RFX3: variants seen among roughly 807,000 people sequenced by gnomAD.
RFX3 encodes regulatory factor X3.
Under a neutral mutation model 98.6 loss-of-function variants are expected in RFX3, and 14 were observed. The observed-to-expected ratio is 0.14, with a 90% CI of 0.09 to 0.22. RFX3 has a LOEUF of 0.22. Among genes scored for constraint, RFX3 ranks in the 10% least tolerant of loss-of-function variants. The probability of loss-of-function intolerance (pLI) is 1.00; values close to 1 mark genes in which losing one functional copy is unlikely to be tolerated. For synonymous variants in RFX3, 383 were observed against 328.4 expected (o/e 1.17, Z -1.80); for missense variants, 639 against 926.9 (o/e 0.69, Z 4.03).
At chr9:3,522,563 G>C (rs940302935) in intron 1 of RFX3, among the ~76,000 whole-genome samples, 4 of 140,688 alleles carry the variant, frequency 2.8e-5, no homozygotes, top group African/African-American at 1.2e-4. Context: ...GTGCGTGTGT[G>C]TGTGTGTGTG....
intron 1 of RFX3, among the ~76,000 whole-genome samples, chr9:3,491,675 T>G (rs1427764623): frequency 1.3e-5 from 2 of 152,178 alleles, no homozygotes; most frequent in East Asian, 3.8e-4. Flanking sequence ...CTGTTTCATA[T>G]CTCATTGTGA....
chr9:3,320,993 C>G (rs1283906714), intron 4 of RFX3, among the ~76,000 whole-genome samples: 1 of 129,200 alleles, frequency 7.7e-6, no homozygotes, highest in African/African-American at 4.5e-5. Context: ...ACTCCACCTC[C>G]TAGGTTCAAA....
chr9:3,233,045 T>C lies in RFX3; in HGVS notation c.1969-4156A>G, dbSNP rs531988519. Among the ~76,000 whole-genome samples the C allele has an allele frequency of 1.4e-4, 22 of 152,280 alleles. No individual in the cohort carries two copies. The South Asian group carries it at 4.1e-3, about 29-fold the overall frequency. ...ACAGTAGAGAAAGCATGTCTATTGT[T>C]TGAGAGAAGAAATACTTCCTATCCT... On this transcript the variant is annotated intron_variant, in intron 15 of 16. Transcript: ENST00000617270.
chr9:3,403,245 C>T (rs1264895576), intron 1 of RFX3, among the ~76,000 whole-genome samples: 1 of 152,088 alleles, frequency 6.6e-6, no homozygotes, highest in African/African-American at 2.4e-5. Flanking sequence ...ATTTAAAACA[C>T]ATCTTTGTGA....
chr9:3,499,967 C>T (rs572793940), intron 1 of RFX3, among the ~76,000 whole-genome samples: 1 of 152,160 alleles, frequency 6.6e-6, no homozygotes, highest in Admixed American at 6.6e-5. Flanking sequence ...ACTGCACTAC[C>T]TTATTCCTTT....
At chr9:3,239,699 C>G (rs1001061206) in intron 15 of RFX3, among the ~76,000 whole-genome samples, 1 of 152,114 alleles carries the variant, frequency 6.6e-6, no homozygotes, top group South Asian at 2.1e-4. Context: ...CCATTAAGGC[C>G]AAAGCAAGAG....
chr9:3,417,973 G>C (rs992618406), intron 1 of RFX3, among the ~76,000 whole-genome samples: 2 of 152,176 alleles, frequency 1.3e-5, no homozygotes, highest in African/African-American at 4.8e-5. Flanking sequence ...CCTAATAAAA[G>C]CAGATATAGA....
intron 7 of RFX3, among the ~76,000 whole-genome samples, chr9:3,278,507 C>T (rs1182419500): frequency 6.6e-6 from 1 of 151,732 alleles, no homozygotes; most frequent in African/African-American, 2.4e-5. Flanking sequence ...AGACACTTGA[C>T]CCCTACATTG....
intron 15 of RFX3, among the ~76,000 whole-genome samples, chr9:3,232,796 G>C (rs1032829629): frequency 1.2e-4 from 18 of 148,192 alleles, no homozygotes; most frequent in Non-Finnish European, 2.7e-4. Flanking sequence ...GAGAGAGAGA[G>C]AGAGAAATGG....
At position 3,219,132 on chromosome 9, in the gene RFX3, T is replaced by G. The variant is rs922152619; in HGVS notation, c.*5910A>C. 4 of 152,112 alleles carry G rather than the reference T, an allele frequency of 2.6e-5. No individual in the cohort carries two copies. Among genetic ancestry groups the G allele is most frequent in the Admixed American group, 6.6e-5 (1 of 15,266 alleles). The allele number at this position is 152,112 out of a possible 1,614,324, so 9.4% of individuals were successfully genotyped here. On this transcript the variant is annotated 3_prime_UTR_variant, in exon 17 of 17. Transcript: ENST00000617270. ...CATAGGTCCAAATTGATGATGGAAA[T>G]GAGTAGAGAAAAAAATTTGCTTTGG... is the stretch of plus-strand genomic sequence containing the variant.
At chr9:3,504,245 ATATTTT>A in intron 1 of RFX3, among the ~76,000 whole-genome samples, 1 of 132,298 alleles carries the variant, frequency 7.6e-6, no homozygotes, top group African/African-American at 2.9e-5. Context: ...TATTATATAT[ATATTTT>A]ATATATAATA....
intron 1 of RFX3, among the ~76,000 whole-genome samples, chr9:3,413,027 T>C (rs1052054682): frequency 3.3e-5 from 5 of 152,078 alleles, no homozygotes; most frequent in East Asian, 3.8e-4. Context: ...GCCTTTAATA[T>C]AGAAAATTTT....
intron 1 of RFX3, among the ~76,000 whole-genome samples, chr9:3,503,934 G>T (rs1239596103): frequency 2.0e-5 from 3 of 151,572 alleles, no homozygotes; most frequent in Admixed American, 6.6e-5. Context: ...ATTTCTATTT[G>T]CCTATTATTG....
chr9:3,224,586 A>C lies in RFX3; in HGVS notation c.*456T>G. On this transcript the variant is annotated 3_prime_UTR_variant, in exon 17 of 17. Coordinates refer to ENST00000617270, the MANE Select transcript of RFX3 (RefSeq NM_001282116.2). ...AATGAAAAGCACCTTTCAAAAGCAA[A>C]TTTGATGCATCTGCTGCCAAATGGG... 1 of 161,200 alleles carries C rather than the reference A, an allele frequency of 6.2e-6. No homozygotes were observed. The highest frequency in any genetic ancestry group is 1.4e-5 in the Non-Finnish European group (1 of 73,064). 10.0% of individuals were successfully genotyped at this position (161,200 alleles called of 1,614,324 possible).
intron 1 of RFX3, among the ~76,000 whole-genome samples, chr9:3,469,847 A>AC: frequency 6.9e-6 from 1 of 144,928 alleles, no homozygotes; most frequent in African/African-American, 2.5e-5. Context: ...CTCCGTCTCA[A>AC]AAAAAAAAAA....
At chr9:3,436,191 A>G (rs1198045774) in intron 1 of RFX3, among the ~76,000 whole-genome samples, 1 of 152,080 alleles carries the variant, frequency 6.6e-6, no homozygotes, top group Non-Finnish European at 1.5e-5. Flanking sequence ...GCAAATTACA[A>G]TTCTTCATGA....
chr9:3,357,045 T>C (rs1835859979), intron 2 of RFX3, among the ~76,000 whole-genome samples: 2 of 151,392 alleles, frequency 1.3e-5, no homozygotes, highest in African/African-American at 4.8e-5. Context: ...AAAGCATCTA[T>C]AGAAAAAAAT....
chr9:3,395,307 C>T (rs1840742549), intron 2 of RFX3, among the ~76,000 whole-genome samples, 165 bp downstream of exon 2: 1 of 152,188 alleles, frequency 6.6e-6, no homozygotes, highest in African/African-American at 2.4e-5. Context: ...AAGAACCTGG[C>T]ACATCCAAGA....
intron 1 of RFX3, among the ~76,000 whole-genome samples, chr9:3,415,202 T>TAC (rs1564070768): frequency 7.6e-6 from 1 of 131,144 alleles, no homozygotes; most frequent in African/African-American, 3.4e-5. Flanking sequence ...CATATATATA[T>TAC]ATATATACAT....
Sources: allele counts gnomAD v4.1 joint callset (sites outside exome capture counted in the v4.1 genomes callset), GRCh38; gene constraint gnomAD v4.1.1; transcripts MANE v1.5; gene names NCBI Gene and HGNC (gene_info 2026-07-23, HGNC 2026-07-21).